STX3: variants seen among roughly 807,000 people sequenced by gnomAD.
STX3 encodes the protein syntaxin 3.
A neutral mutation model predicts 40.2 loss-of-function variants in STX3; 19 were observed. That is an observed-to-expected ratio of 0.47 (90% CI 0.33 to 0.69). The LOEUF is 0.69. STX3 is among the 30% of genes least tolerant of loss of function. The probability of loss-of-function intolerance (pLI) is 0.02; values close to 1 mark genes in which losing one functional copy is unlikely to be tolerated. For missense variants in STX3, 364 were observed against 366.7 expected (o/e 0.99, Z 0.06); for synonymous variants, 122 against 132.2 (o/e 0.92, Z 0.53).
chr11:59,792,066 A>G (rs760888190), intron 5 of STX3, 41 bp from the exon 6 acceptor site: 2 of 1,522,858 alleles, frequency 1.3e-6, no homozygotes, highest in East Asian at 4.5e-5. Context: ...TAACAGTTAC[A>G]GAACCACTGG....
chr11:59,759,487 C>CA (rs1862918995), intron 1 of STX3, among the ~76,000 whole-genome samples: 1 of 152,070 alleles, frequency 6.6e-6, no homozygotes, highest in East Asian at 1.9e-4. Flanking sequence ...ATAGGGAAGA[C>CA]AAAGACATGT....
chr11:59,805,370 G>C lies in STX3; in HGVS notation c.*4546G>C, dbSNP rs991143787. On this transcript the variant is annotated 3_prime_UTR_variant, in exon 11 of 11. Transcript: ENST00000337979. The stretch of plus-strand genomic sequence containing the variant: ...ATACAACTGTGAGGAGCACACAACT[G>C]CTAAGTTTGTACTTTTGAAAGTAAA... The C allele has an allele frequency of 5.9e-5, 9 of 152,118 alleles. No homozygotes were observed. The highest frequency in any genetic ancestry group is 1.3e-4 in the Non-Finnish European group (9 of 68,030). The allele number at this position is 152,118 out of a possible 1,614,324, so 9.4% of individuals were successfully genotyped here.
chr11:59,795,770 C>A, intron 9 of STX3: 1 of 1,406,358 alleles, frequency 7.1e-7, no homozygotes, highest in Non-Finnish European at 9.7e-7. Context: ...TATCTCTTCT[C>A]CCTGGCCACC....
rs1464110946 is a variant in STX3, at chr11:59,755,490, A to G, written c.-116A>G. The G allele has an allele frequency of 1.5e-6, 2 of 1,331,024 alleles. No individual in the cohort carries two copies. The highest frequency in any genetic ancestry group is 3.4e-5 in the Admixed American group (1 of 29,486). The allele number at this position is 1,331,024 out of a possible 1,614,324, so 82.5% of individuals were successfully genotyped here. On this transcript the variant is annotated 5_prime_UTR_variant, in exon 1 of 11. Transcript: ENST00000337979. Reference sequence around the variant, plus strand: ...GCCGCCCGCCGCCGCCTGCGCCTCCAGCTCCTTCGCCCCGGCGGGCCCGGC... The same window carrying G: ...GCCGCCCGCCGCCGCCTGCGCCTCCGGCTCCTTCGCCCCGGCGGGCCCGGC...
intron 9 of STX3, chr11:59,795,831 A>G (rs752120252): frequency 1.1e-5 from 9 of 833,220 alleles, no homozygotes; most frequent in African/African-American, 1.7e-5. Flanking sequence ...AGCCTCATCA[A>G]CCCCTCCCTC....
At chr11:59,787,161 C>G (rs1864833459) in intron 3 of STX3, 25 bp downstream of exon 3, 1 of 1,596,162 alleles carries the variant, frequency 6.3e-7, no homozygotes, top group African/African-American at 1.3e-5. Flanking sequence ...AGAACTGAGT[C>G]ATCCAACAAT....
At position 59,765,824 on chromosome 11, in the gene STX3, AAAAC is replaced by A. The variant is rs559777124; in HGVS notation, c.31-7379_31-7376del. Among the ~76,000 whole-genome samples, 26 of 152,060 alleles carry A rather than the reference AAAAC, an allele frequency of 1.7e-4. No individual in the cohort carries two copies. The South Asian group carries it at 3.3e-3, about 19-fold the overall frequency. On this transcript the variant is annotated intron_variant, in intron 1 of 10. Coordinates refer to ENST00000337979, the MANE Select transcript of STX3 (RefSeq NM_004177.5). ...GTCTCAAACAAACAAACAAACAAAC[AAAAC>A]AAACAAAACCCAGGTGTGTCATTGT... is the stretch of plus-strand genomic sequence containing the variant.
intron 2 of STX3, among the ~76,000 whole-genome samples, chr11:59,777,081 C>T (rs1864006135): frequency 6.6e-6 from 1 of 152,112 alleles, no homozygotes; most frequent in South Asian, 2.1e-4. Flanking sequence ...GATTCTCGCC[C>T]CCTGTTGTCT....
chr11:59,785,938 C>G (rs1359226476), intron 2 of STX3, among the ~76,000 whole-genome samples: 1 of 152,186 alleles, frequency 6.6e-6, no homozygotes, highest in Non-Finnish European at 1.5e-5. Flanking sequence ...GTGGCATGGG[C>G]ACCTATGAAG....
chr11:59,786,050 C>T (rs887019275), intron 2 of STX3, among the ~76,000 whole-genome samples: 1 of 152,104 alleles, frequency 6.6e-6, no homozygotes, highest in African/African-American at 2.4e-5. Context: ...ATACTCACAG[C>T]CTTGTACAAT....
At chr11:59,773,511 TTATATG>T (rs1471396747) in intron 2 of STX3, among the ~76,000 whole-genome samples, 1 of 152,208 alleles carries the variant, frequency 6.6e-6, no homozygotes, top group Non-Finnish European at 1.5e-5. Flanking sequence ...AGAGGGTCAA[TTATATG>T]TAATTGAAGA....
At chr11:59,786,843 A>G (rs76671733) in intron 2 of STX3, among the ~76,000 whole-genome samples, 194 bp from the exon 3 acceptor site, 7,045 of 152,156 alleles carry the variant, frequency 0.046, 345 homozygotes, top group African/African-American at 0.11. Flanking sequence ...ATTTTTAACA[A>G]CTGTTCTGTT....
At chr11:59,764,239 C>A (rs1863177727) in intron 1 of STX3, among the ~76,000 whole-genome samples, 1 of 152,196 alleles carries the variant, frequency 6.6e-6, no homozygotes, top group South Asian at 2.1e-4. Flanking sequence ...AGAATTGCAT[C>A]TTTGCCAGAA....
Position 59,755,446 on chromosome 11 carries a change from C to G in STX3, c.-160C>G. The stretch of plus-strand genomic sequence containing the variant: ...GCGGAGGCTCCCGTGGCCTCGGACG[C>G]TCCTCCTAGCTAGCGGCCGCCGCCC... On this transcript the variant is annotated 5_prime_UTR_variant, in exon 1 of 11. Transcript: ENST00000337979. 1 of 764,064 alleles carries G rather than the reference C, an allele frequency of 1.3e-6. No homozygotes were observed. Among genetic ancestry groups the G allele is most frequent in the Non-Finnish European group, 1.9e-6 (1 of 534,914 alleles). The allele number at this position is 764,064 out of a possible 1,614,324, so 47.3% of individuals were successfully genotyped here.
chr11:59,774,408 T>G (rs1863838177), intron 2 of STX3, among the ~76,000 whole-genome samples: 1 of 148,220 alleles, frequency 6.7e-6, no homozygotes, highest in Non-Finnish European at 1.5e-5. Context: ...CACTGCATTC[T>G]AGCCTGGGCA....
At chr11:59,781,100 T>TTTTTTTTTTTTTTTTTTTTTTTTATATA (rs963410109) in intron 2 of STX3, among the ~76,000 whole-genome samples, 4 of 146,304 alleles carry the variant, frequency 2.7e-5, no homozygotes, top group Admixed American at 6.8e-5. Context: ...TTTTTTTTTT[T>TTTTTTTTTTTTTTTTTTTTTTTTATATA]TATATTAGCA....
chr11:59,793,376 G>GTA lies in STX3; in HGVS notation c.541-3_541-2dup. 1 of 1,613,554 alleles carries GTA rather than the reference G, an allele frequency of 6.2e-7. No homozygotes were observed. Among genetic ancestry groups the GTA allele is most frequent in the Non-Finnish European group, 8.5e-7 (1 of 1,179,640 alleles). ...GCTAACAGTCTGTGTGTGGCCTGTT[G>GTA]TAGATCATTGACTCACAGATTTCCA... On this transcript the variant is annotated splice_polypyrimidine_tract_variant and splice_region_variant and intron_variant, in intron 7 of 10. Transcript: ENST00000337979.
chr11:59,782,317 T>C (rs1864442229), intron 2 of STX3, among the ~76,000 whole-genome samples: 1 of 152,204 alleles, frequency 6.6e-6, no homozygotes, highest in South Asian at 2.1e-4. Context: ...TATTAAGACT[T>C]TTTTACAGGA....
intron 1 of STX3, among the ~76,000 whole-genome samples, chr11:59,761,028 C>T (rs1863004722): frequency 6.6e-6 from 1 of 152,190 alleles, no homozygotes; most frequent in South Asian, 2.1e-4. Context: ...TTTCTTGCTC[C>T]ATTCCCTGTG....
Sources: gnomAD v4.1 joint callset for allele counts (sites outside exome capture counted in the v4.1 genomes callset) on GRCh38, gnomAD v4.1.1 for gene constraint, MANE v1.5 for transcripts, NCBI Gene and HGNC (gene_info 2026-07-23, HGNC 2026-07-21) for gene names.